The following AK5 variants were observed in gnomAD, a reference collection of about 807,000 sequenced individuals.
The protein encoded by AK5 is adenylate kinase 5, also known as adenylate kinase isoenzyme 5.
AK5 carries 27 observed loss-of-function variants against 69.5 expected under a neutral mutation model. That is an observed-to-expected ratio of 0.39 (90% CI 0.29 to 0.54). The LOEUF is 0.54. Among genes scored for constraint, AK5 ranks in the 20% least tolerant of loss-of-function variants. AK5 has a pLI of 0.71. For synonymous variants in AK5, 260 were observed against 244.4 expected (o/e 1.06, Z -0.60); for missense variants, 531 against 700.4 (o/e 0.76, Z 2.73).
In AK5 at chr1:77,558,713, TAAA is replaced by T; in HGVS notation, c.*46_*48del. 7.4e-7 allele frequency: 1 copy of T among 1,346,678 alleles called. No homozygotes were observed. The highest frequency in any genetic ancestry group is 1.1e-6 in the Non-Finnish European group (1 of 940,662). The allele number at this position is 1,346,678 out of a possible 1,614,324, so 83.4% of individuals were successfully genotyped here. ...TGTTAGAATGGAAACAGAAAAACAT[TAAA>T]AAGTTCATTCCTTAACACAATGTTT... On this transcript the variant is annotated 3_prime_UTR_variant, in exon 14 of 14. Coordinates refer to ENST00000354567, the MANE Select transcript of AK5 (RefSeq NM_174858.3).
In AK5 at chr1:77,316,563, A is replaced by G. The variant is rs563728018; in HGVS notation, c.699+18616A>G. ...CATAGTGAATTGATTTGACAAACTC[A>G]TAATTTGATTTGCTGTGCCTAAGGG... On this transcript the variant is annotated intron_variant, in intron 5 of 13. Transcript: ENST00000354567. 3.9e-3 allele frequency among the ~76,000 whole-genome samples: 596 copies of G among 152,338 alleles called. 3 individuals are homozygous for G. The highest frequency in any genetic ancestry group is 0.014 in the African/African-American group (575 of 41,582).
rs562407996 is a variant in AK5, at chr1:77,429,969, G to T, written c.1059+12254G>T. ...GTAGGGCTTTGTAGAGCAGGTTAGG[G>T]GTTTTGACTTTATCCTAAGAGCAAT... On this transcript the variant is annotated intron_variant, in intron 8 of 13. Coordinates refer to ENST00000354567, the MANE Select transcript of AK5 (RefSeq NM_174858.3). Among the ~76,000 whole-genome samples the T allele has an allele frequency of 3.3e-5, 5 of 152,224 alleles. 1 individual carries two copies. The South Asian group carries it at 1.0e-3, about 32-fold the overall frequency.
intron 8 of AK5, among the ~76,000 whole-genome samples, chr1:77,447,216 T>G (rs2100650298): frequency 6.6e-6 from 1 of 152,382 alleles, no homozygotes; most frequent in South Asian, 2.1e-4. Context: ...AAAGACAAGT[T>G]CCACTTTTAA....
At chr1:77,403,646 A>G (rs1649403699) in intron 6 of AK5, among the ~76,000 whole-genome samples, 1 of 152,156 alleles carries the variant, frequency 6.6e-6, no homozygotes, top group Non-Finnish European at 1.5e-5. Context: ...GTTCTGTTCC[A>G]CTGGTCTATA....
chr1:77,343,420 C>G (rs1458559292), intron 6 of AK5, among the ~76,000 whole-genome samples: 1 of 152,176 alleles, frequency 6.6e-6, no homozygotes, highest in Non-Finnish European at 1.5e-5. Context: ...AAGGTATAGC[C>G]TCTAGGACTT....
At chr1:77,439,200 T>C (rs1652153725) in intron 8 of AK5, among the ~76,000 whole-genome samples, 1 of 152,180 alleles carries the variant, frequency 6.6e-6, no homozygotes, top group African/African-American at 2.4e-5. Context: ...GCCATGGGAA[T>C]ACATTTGCTG....
intron 6 of AK5, among the ~76,000 whole-genome samples, chr1:77,396,044 T>A (rs1011659167): frequency 6.6e-6 from 1 of 152,360 alleles, no homozygotes; most frequent in Middle Eastern, 3.4e-3. Flanking sequence ...TTTTTCTGTA[T>A]GATCCACAAT....
chr1:77,334,030 T>C (rs1396153247), intron 5 of AK5, among the ~76,000 whole-genome samples: 2 of 152,244 alleles, frequency 1.3e-5, no homozygotes, highest in Non-Finnish European at 2.9e-5. Flanking sequence ...CCTACATATT[T>C]ACCATTTTCA....
intron 5 of AK5, among the ~76,000 whole-genome samples, chr1:77,307,054 T>G (rs928067825): frequency 2.6e-5 from 4 of 152,118 alleles, no homozygotes; most frequent in African/African-American, 9.6e-5. Context: ...AAACCAAATT[T>G]TTGTTTCCTT....
chr1:77,493,152 A>T (rs2803155), intron 10 of AK5, among the ~76,000 whole-genome samples: 4 of 151,886 alleles, frequency 2.6e-5, no homozygotes, highest in African/African-American at 7.3e-5. Context: ...TATTTCCAGA[A>T]GAGATTGGCA....
At chr1:77,312,780 T>A (rs770087588) in intron 5 of AK5, among the ~76,000 whole-genome samples, 1 of 152,130 alleles carries the variant, frequency 6.6e-6, no homozygotes, top group Non-Finnish European at 1.5e-5. Flanking sequence ...ACTGTCTTTT[T>A]TTCCATCCAG....
rs374973592 is a variant in AK5, at chr1:77,407,996, T to C, written c.892-2985T>C. On this transcript the variant is annotated intron_variant, in intron 6 of 13. Transcript: ENST00000354567. ...TTTATGGCTGTGTCTTATTCCATGA[T>C]GTATATGTACCACATTTTCTTTATC... is the stretch of plus-strand genomic sequence containing the variant. Among the ~76,000 whole-genome samples the C allele has an allele frequency of 1.8e-4, 28 of 152,326 alleles. No homozygotes were observed. The South Asian group carries it at 5.2e-3, about 28-fold the overall frequency.
intron 6 of AK5, among the ~76,000 whole-genome samples, chr1:77,408,480 T>G (rs1234961164): frequency 2.0e-5 from 3 of 152,142 alleles, no homozygotes; most frequent in Non-Finnish European, 2.9e-5. Flanking sequence ...GGTTATTTGT[T>G]TTTTGCTTGT....
At chr1:77,510,254 G>A (rs1366696227) in intron 10 of AK5, among the ~76,000 whole-genome samples, 1 of 152,168 alleles carries the variant, frequency 6.6e-6, no homozygotes, top group East Asian at 1.9e-4. Flanking sequence ...GCTTCAGCCT[G>A]GCAAAGAAAG....
At chr1:77,307,421 T>A (rs942090728) in intron 5 of AK5, among the ~76,000 whole-genome samples, 3 of 152,030 alleles carry the variant, frequency 2.0e-5, no homozygotes, top group Admixed American at 2.0e-4. Flanking sequence ...TTTTCCAGAA[T>A]TCCTCTTATT....
chr1:77,537,775 G>A (rs1659050317), intron 13 of AK5, among the ~76,000 whole-genome samples: 1 of 152,198 alleles, frequency 6.6e-6, no homozygotes, highest in Non-Finnish European at 1.5e-5. Flanking sequence ...AAGAAACACT[G>A]GGTATAGAAG....
intron 5 of AK5, among the ~76,000 whole-genome samples, chr1:77,315,980 C>T (rs571005745): frequency 6.6e-6 from 1 of 152,160 alleles, no homozygotes; most frequent in East Asian, 1.9e-4. Context: ...AAACTCCTGT[C>T]GAAAGCAGCA....
intron 6 of AK5, among the ~76,000 whole-genome samples, chr1:77,350,438 A>T (rs1225453369): frequency 6.6e-6 from 1 of 152,212 alleles, no homozygotes; most frequent in Non-Finnish European, 1.5e-5. Context: ...GTGCTAGGCT[A>T]AGGAGGAAGG....
intron 5 of AK5, among the ~76,000 whole-genome samples, chr1:77,304,288 C>T (rs1659509562): frequency 6.6e-6 from 1 of 152,096 alleles, no homozygotes; most frequent in African/African-American, 2.4e-5. Flanking sequence ...TCTTTCTATG[C>T]CTGTCTTATT....
Sources: allele counts gnomAD v4.1 joint callset (sites outside exome capture counted in the v4.1 genomes callset), GRCh38; gene constraint gnomAD v4.1.1; transcripts MANE v1.5; gene names NCBI Gene and HGNC (gene_info 2026-07-23, HGNC 2026-07-21).